Variants in CDK12 observed in about 807,000 individuals in gnomAD.
CDK12 encodes the protein cyclin-dependent kinase 12.
CDK12 carries 17 observed loss-of-function variants against 133.8 expected under a neutral mutation model. The ratio of observed to expected loss-of-function variants is 0.13; its 90% CI spans 0.09 to 0.19. The LOEUF is 0.19. Ranked by LOEUF, CDK12 falls within the 10% of genes least tolerant of loss-of-function variation. The pLI is 1.00. For missense variants in CDK12, 1,508 were observed against 1,818.7 expected (o/e 0.83, Z 3.11); for synonymous variants, 694 against 683.6 (o/e 1.02, Z -0.24).
rs766618446 is a variant in CDK12, at chr17:39,530,788, C to T, written c.3945C>T (p.His1315=). 2 of 1,614,170 alleles carry T rather than the reference C, an allele frequency of 1.2e-6. No homozygotes were observed. Among genetic ancestry groups the T allele is most frequent in the African/African-American group, 1.3e-5 (1 of 75,054 alleles). The change falls in exon 14 of 14, where the codon CAC becomes CAT. Residue 1315 remains histidine (H), a synonymous_variant. Coordinates refer to ENST00000447079, the MANE Select transcript of CDK12 (RefSeq NM_016507.4). ...AGCCTGAAGCAGAGCCTCCTGGCCA[C>T]CTGCCACATGAGCACCAGGCCTTGA... ...LSQPEAEPPG[H]LPHEHQALRP...
downstream of CDK12, among the ~76,000 whole-genome samples, chr17:39,537,512 C>CT (rs1219136637): frequency 6.6e-6 from 1 of 151,834 alleles, no homozygotes; most frequent in Non-Finnish European, 1.5e-5. Context: ...GGTAGCTGGG[C>CT]TGCAGAAAGA....
chr17:39,538,904 A>AATACATACATACATAC (rs199620122), downstream of CDK12, among the ~76,000 whole-genome samples: 7 of 144,886 alleles, frequency 4.8e-5, no homozygotes, highest in Non-Finnish European at 7.5e-5. Context: ...ATCTCAAATA[A>AATACATACATACATAC]ATACATACAT....
upstream of CDK12, among the ~76,000 whole-genome samples, chr17:39,544,715 C>T (rs529923910): frequency 7.3e-5 from 11 of 150,950 alleles, no homozygotes; most frequent in Middle Eastern, 3.4e-3. Context: ...CCGCAACCTC[C>T]GCCTCCCGGG....
intron 5 of CDK12, among the ~76,000 whole-genome samples, chr17:39,495,287 G>A (rs1349801636): frequency 2.7e-5 from 4 of 149,152 alleles, no homozygotes; most frequent in African/African-American, 1.0e-4. Context: ...TATGTTCGTC[G>A]AGCTGGTCTC....
intron 5 of CDK12, 65 bp downstream of exon 5, chr17:39,494,759 TTC>T (rs999805705): frequency 4.0e-5 from 46 of 1,144,196 alleles, no homozygotes; most frequent in African/African-American, 6.4e-5. Context: ...CTTTTTTTTT[TTC>T]TTTCTTTCTT....
intron 2 of CDK12, among the ~76,000 whole-genome samples, chr17:39,486,873 T>C (rs1330685263): frequency 6.6e-6 from 1 of 151,956 alleles, no homozygotes; most frequent in East Asian, 1.9e-4. Flanking sequence ...CCGGGCGTAG[T>C]GGCACACGCC....
chr17:39,544,259 C>T (rs773227479), upstream of CDK12: 5 of 486,682 alleles, frequency 1.0e-5, no homozygotes, highest in Admixed American at 2.3e-5. Context: ...GTAGGAGCAA[C>T]GGTGGGAATG....
At chr17:39,513,646 T>C (rs2053622728) in intron 8 of CDK12, among the ~76,000 whole-genome samples, 1 of 152,114 alleles carries the variant, frequency 6.6e-6, no homozygotes, top group South Asian at 2.1e-4. Flanking sequence ...GATTACATAA[T>C]GAAGATGTCT....
At chr17:39,495,391 T>G (rs866783407) in intron 5 of CDK12, among the ~76,000 whole-genome samples, 78,245 of 121,170 alleles carry the variant, frequency 0.65, 23,832 homozygotes, top group South Asian at 0.81. Flanking sequence ...TGTGTTTTTT[T>G]TTTTTTTTTT....
intron 1 of CDK12, among the ~76,000 whole-genome samples, chr17:39,542,474 A>C (rs2055473737): frequency 6.6e-6 from 1 of 151,224 alleles, no homozygotes; most frequent in Non-Finnish European, 1.5e-5. Context: ...TACAGGCGTG[A>C]GCCACCGCGC....
chr17:39,561,570 A>G (rs2056375017), intron 3 of CDK12, among the ~76,000 whole-genome samples: 1 of 152,214 alleles, frequency 6.6e-6, no homozygotes, highest in African/African-American at 2.4e-5. Context: ...GACAGGTGGA[A>G]ACCTAGAGTT....
At position 39,508,833 on chromosome 17, in the gene CDK12, A is replaced by G. The variant is rs566814581; in HGVS notation, c.2610-872A>G. Reference sequence around the variant, plus strand: ...AACATAGGGGAACTCTGTCTCTACAAAAAATAAAATAATTAGCTGGACATA... The same window carrying G: ...AACATAGGGGAACTCTGTCTCTACAGAAAATAAAATAATTAGCTGGACATA... On this transcript the variant is annotated intron_variant, in intron 6 of 13. Coordinates refer to ENST00000447079, the MANE Select transcript of CDK12 (RefSeq NM_016507.4). Among the ~76,000 whole-genome samples the G allele has an allele frequency of 2.0e-5, 3 of 152,144 alleles. No homozygotes were observed. The South Asian group carries it at 6.2e-4, about 32-fold the overall frequency.
rs1598203025 is a variant in CDK12 at position 39,533,916 on chromosome 17, T to C, written c.*2600T>C. The C allele has an allele frequency of 8.6e-6, 2 of 232,030 alleles. No individual in the cohort carries two copies. The highest frequency in any genetic ancestry group is 3.6e-4 in the South Asian group (2 of 5,514). The allele number at this position is 232,030 out of a possible 1,614,324, so 14.4% of individuals were successfully genotyped here. ...AGTAAAGGTTTGGCAGAATTTCACC[T>C]TGACTATTTGAAAATTACAGACCCA... On this transcript the variant is annotated 3_prime_UTR_variant, in exon 14 of 14. Coordinates refer to ENST00000447079, the MANE Select transcript of CDK12 (RefSeq NM_016507.4).
At chr17:39,517,345 G>T (rs747955769) in intron 9 of CDK12, 95 bp from the exon 10 acceptor site, 2 of 718,776 alleles carry the variant, frequency 2.8e-6, no homozygotes, top group Non-Finnish European at 5.0e-6. Context: ...AGATTCCCCA[G>T]ACCTCAGGAG....
downstream of CDK12, among the ~76,000 whole-genome samples, chr17:39,538,939 A>ACATG (rs2055279752): frequency 6.6e-6 from 1 of 152,032 alleles, no homozygotes; most frequent in Non-Finnish European, 1.5e-5. Flanking sequence ...ATACATACAT[A>ACATG]CATACATACA....
At chr17:39,475,793 C>T (rs928097210) in intron 2 of CDK12, among the ~76,000 whole-genome samples, 2 of 151,940 alleles carry the variant, frequency 1.3e-5, no homozygotes, top group African/African-American at 2.4e-5. Flanking sequence ...GATTCGCCCA[C>T]CTAGGCCTCC....
intron 2 of CDK12, among the ~76,000 whole-genome samples, chr17:39,481,639 T>G (rs1322622246): frequency 0.12 from 852 of 7,308 alleles, 48 homozygotes; most frequent in African/African-American, 0.22. Context: ...GCGCGCTCTC[T>G]CTCTCTCTCT....
intron 11 of CDK12, among the ~76,000 whole-genome samples, chr17:39,523,966 A>G (rs1269108518): frequency 6.6e-6 from 1 of 152,158 alleles, no homozygotes; most frequent in African/African-American, 2.4e-5. Flanking sequence ...CATTTATTAC[A>G]CTAGAATGTT....
rs771407477 is a variant in CDK12 at position 39,462,524 on chromosome 17, A to G, written c.453A>G (p.Ser151=). 3.1e-6 allele frequency: 5 copies of G among 1,614,196 alleles called. No individual in the cohort carries two copies. The South Asian group carries it at 5.5e-5, about 18-fold the overall frequency. Residue 151 remains serine (S), a synonymous_variant, in exon 1 of 14, where the codon TCA becomes TCG. Coordinates refer to ENST00000447079, the MANE Select transcript of CDK12 (RefSeq NM_016507.4). Reference sequence around the variant, plus strand: ...TGAAGGACCGGATATCGGGAAGTTCAAAGCGTTCGAATGAGGAGACTGATG... The same window carrying G: ...TGAAGGACCGGATATCGGGAAGTTCGAAGCGTTCGAATGAGGAGACTGATG... ...GSMKDRISGS[S]KRSNEETDDY... is the part of the protein sequence containing the mutation.
Sources: allele counts gnomAD v4.1 joint callset (sites outside exome capture counted in the v4.1 genomes callset), GRCh38; gene constraint gnomAD v4.1.1; transcripts MANE v1.5; gene names NCBI Gene and HGNC (gene_info 2026-07-23, HGNC 2026-07-21).